PRKG1: variants seen among roughly 807,000 people sequenced by gnomAD.
The protein encoded by PRKG1 is cGMP-dependent protein kinase 1.
A neutral mutation model predicts 88.1 loss-of-function variants in PRKG1; 35 were observed. That is an observed-to-expected ratio of 0.40 (90% confidence interval 0.30 to 0.53). The LOEUF (loss-of-function observed/expected upper bound fraction) is 0.53. Ranked by LOEUF, PRKG1 falls within the 20% of genes least tolerant of loss-of-function variation. The probability of loss-of-function intolerance (pLI) is 0.59; values close to 1 mark genes in which losing one functional copy is unlikely to be tolerated. For synonymous variants in PRKG1, 303 were observed against 292.5 expected, an observed-to-expected ratio of 1.04 and a Z score of -0.37; for missense variants, 540 against 839.8, an observed-to-expected ratio of 0.64 and a Z score of 4.41.
At chr10:51,533,907 C>T (rs554907268) in intron 3 of PRKG1, among the ~76,000 whole-genome samples, 3 of 152,192 alleles carry the variant, frequency 2.0e-5, no homozygotes, top group East Asian at 1.9e-4. Context: ...CTAGCTTAAC[C>T]GTGATATTTC....
intron 5 of PRKG1, among the ~76,000 whole-genome samples, chr10:52,023,013 C>T (rs1845226241): frequency 6.6e-6 from 1 of 152,078 alleles, no homozygotes. Flanking sequence ...GTTTGCTGTA[C>T]CCATCAACCC....
At chr10:51,680,328 AG>A (rs1168939994) in intron 3 of PRKG1, among the ~76,000 whole-genome samples, 1 of 152,118 alleles carries the variant, frequency 6.6e-6, no homozygotes, top group African/African-American at 2.4e-5. Flanking sequence ...ATCTTTGTAA[AG>A]GAGGCCCTTG....
chr10:51,519,524 A>C (rs1010970247), intron 3 of PRKG1, among the ~76,000 whole-genome samples: 10 of 152,148 alleles, frequency 6.6e-5, no homozygotes, highest in Non-Finnish European at 1.5e-4. Flanking sequence ...AGAATTTTAG[A>C]TTTATTTAAA....
intron 7 of PRKG1, among the ~76,000 whole-genome samples, chr10:52,064,770 C>G (rs779516841): frequency 9.2e-5 from 14 of 152,160 alleles, no homozygotes; most frequent in Non-Finnish European, 1.0e-4. Context: ...CCTCCTGTCC[C>G]CGGCTCCTGC....
Position 52,035,995 on chromosome 10 carries a change from G to T in PRKG1, c.763-18489G>T, listed in dbSNP as rs553985570. The stretch of plus-strand genomic sequence containing the variant: ...GAAAGGAGTTGTTGTTTTGTAGAAG[G>T]TGCTTGGGTTTGAGAGATTAGTCGG... On this transcript the variant is annotated intron_variant, in intron 5 of 17. Coordinates refer to ENST00000373980, the MANE Select transcript of PRKG1 (RefSeq NM_006258.4). Among the ~76,000 whole-genome samples, 9 of 150,236 alleles carry T rather than the reference G, an allele frequency of 6.0e-5. No individual in the cohort carries two copies. The East Asian group carries it at 1.8e-3, about 29-fold the overall frequency.
At chr10:51,450,888 A>G (rs1296020075) in intron 2 of PRKG1, among the ~76,000 whole-genome samples, 1 of 151,796 alleles carries the variant, frequency 6.6e-6, no homozygotes, top group Non-Finnish European at 1.5e-5. Context: ...TGGCAAAAGC[A>G]TTATAGAAGT....
chr10:51,883,431 C>T (rs1589386107), intron 4 of PRKG1, among the ~76,000 whole-genome samples: 1 of 152,268 alleles, frequency 6.6e-6, no homozygotes, highest in East Asian at 1.9e-4. Context: ...ATCTTGAGAA[C>T]CCTAGCTAAT....
intron 4 of PRKG1, among the ~76,000 whole-genome samples, chr10:51,898,708 T>C (rs1841912335): frequency 6.6e-6 from 1 of 152,076 alleles, no homozygotes; most frequent in Non-Finnish European, 1.5e-5. Context: ...TCCTAACTAC[T>C]CAGGAGGCTG....
intron 4 of PRKG1, among the ~76,000 whole-genome samples, chr10:51,884,217 C>A: frequency 6.6e-6 from 1 of 150,992 alleles, no homozygotes; most frequent in East Asian, 2.0e-4. Context: ...GAGGCCGAGA[C>A]GGGCAGATCA....
chr10:51,939,320 G>GTC (rs1842857182), intron 5 of PRKG1, among the ~76,000 whole-genome samples: 1 of 151,954 alleles, frequency 6.6e-6, no homozygotes, highest in East Asian at 1.9e-4. Flanking sequence ...CGGCCAAATT[G>GTC]AGAATCCTTC....
chr10:51,959,530 C>T (rs1409130993), intron 5 of PRKG1, among the ~76,000 whole-genome samples: 1 of 152,066 alleles, frequency 6.6e-6, no homozygotes, highest in Non-Finnish European at 1.5e-5. Flanking sequence ...AGCTTTGATG[C>T]CTCCTAGGTT....
At chr10:52,134,446 A>G (rs1258758582) in intron 8 of PRKG1, among the ~76,000 whole-genome samples, 1 of 152,120 alleles carries the variant, frequency 6.6e-6, no homozygotes, top group East Asian at 1.9e-4. Flanking sequence ...AATTTGTCTG[A>G]TAATGTCTAT....
intron 2 of PRKG1, among the ~76,000 whole-genome samples, chr10:51,243,170 C>T (rs1247054502): frequency 6.6e-6 from 1 of 152,154 alleles, no homozygotes; most frequent in African/African-American, 2.4e-5. Flanking sequence ...TTCATCCTTT[C>T]TTTCCTGACT....
At chr10:51,455,873 C>T (rs1461445328) in intron 2 of PRKG1, among the ~76,000 whole-genome samples, 3 of 152,142 alleles carry the variant, frequency 2.0e-5, no homozygotes, top group Non-Finnish European at 4.4e-5. Flanking sequence ...TCTTCTGAGC[C>T]CTGAAAGCTG....
At chr10:51,288,791 G>A (rs2339710) in intron 2 of PRKG1, among the ~76,000 whole-genome samples, 3 of 152,080 alleles carry the variant, frequency 2.0e-5, no homozygotes, top group Admixed American at 6.6e-5. Context: ...GGAGCAAAGA[G>A]GTATGTGTAG....
intron 9 of PRKG1, among the ~76,000 whole-genome samples, chr10:52,221,278 T>G (rs1329858293): frequency 6.6e-6 from 1 of 152,150 alleles, no homozygotes; most frequent in Non-Finnish European, 1.5e-5. Context: ...ACATAATAAA[T>G]GTTTATTGTT....
At chr10:51,247,865 G>A (rs1029788272) in intron 2 of PRKG1, among the ~76,000 whole-genome samples, 17 of 151,660 alleles carry the variant, frequency 1.1e-4, no homozygotes, top group Admixed American at 4.0e-4. Flanking sequence ...TTTTGGCCAA[G>A]TCATTTACTG....
intron 9 of PRKG1, among the ~76,000 whole-genome samples, chr10:52,239,452 G>A (rs1014840547): frequency 1.5e-5 from 2 of 130,092 alleles, no homozygotes; most frequent in Non-Finnish European, 3.2e-5. Context: ...AATTTTTCAT[G>A]TTTAAGGGAA....
At chr10:51,028,799 T>C (rs894759493) in intron 1 of PRKG1, among the ~76,000 whole-genome samples, 2 of 152,310 alleles carry the variant, frequency 1.3e-5, no homozygotes, top group Admixed American at 1.3e-4. Flanking sequence ...ATTTCTTTTG[T>C]TATTTTTGCA....
Sources: gnomAD v4.1 joint callset for allele counts (sites outside exome capture counted in the v4.1 genomes callset) on GRCh38, gnomAD v4.1.1 for gene constraint, MANE v1.5 for transcripts, NCBI Gene and HGNC (gene_info 2026-07-23, HGNC 2026-07-21) for gene names.